The following BABAM2 variants were observed in gnomAD, a reference collection of about 807,000 sequenced individuals.
BABAM2 encodes BRISC and BRCA1-A complex member 2.
BABAM2 carries 31 observed loss-of-function variants against 54.7 expected under a neutral mutation model. That is an observed-to-expected ratio of 0.57 (90% CI 0.43 to 0.77). The LOEUF (loss-of-function observed/expected upper bound fraction) is 0.77, where lower values mean the gene tolerates loss of function less well. BABAM2 is among the 30% of genes least tolerant of loss of function. BABAM2 has a pLI of 0.00. For missense variants in BABAM2, 364 were observed against 455.8 expected (o/e 0.80, Z 1.83); for synonymous variants, 167 against 162.9 (o/e 1.03, Z -0.19).
At chr2:27,917,236 T>G (rs1667045500) in intron 2 of BABAM2, among the ~76,000 whole-genome samples, 1 of 152,132 alleles carries the variant, frequency 6.6e-6, no homozygotes, top group Admixed American at 6.5e-5. Flanking sequence ...CAGGATGGTC[T>G]TGATCTCTTG....
rs529409715 is a variant in BABAM2 at position 28,066,163 on chromosome 2, C to CA, written c.570+20374dup. ...GACAGAATGAGACTCCATCTCATCT[C>CA]AAAAAAAAAATAAATAAATAAAAAA... is the stretch of plus-strand genomic sequence containing the variant. On this transcript the variant is annotated intron_variant, in intron 6 of 11. Transcript: ENST00000379624. 1.7e-3 allele frequency among the ~76,000 whole-genome samples: 216 copies of CA among 127,562 alleles called. 1 individual carries two copies. The Middle Eastern group carries it at 0.025, about 15-fold the overall frequency. 83.7% of individuals were successfully genotyped at this position (127,562 alleles called of 152,430 possible).
intron 6 of BABAM2, among the ~76,000 whole-genome samples, chr2:28,113,184 T>G (rs1668293567): frequency 6.6e-6 from 1 of 152,252 alleles, no homozygotes; most frequent in Admixed American, 6.5e-5. Flanking sequence ...TTTCTTTTGC[T>G]GTGCAGAAGC....
chr2:28,284,100 C>T (rs1030817688), intron 10 of BABAM2, among the ~76,000 whole-genome samples: 1 of 152,186 alleles, frequency 6.6e-6, no homozygotes, highest in Non-Finnish European at 1.5e-5. Flanking sequence ...CTTATGTTTG[C>T]ACAGTTTATT....
Position 28,241,393 on chromosome 2 carries a change from C to G in BABAM2, c.851C>G (p.Thr284Arg). The G allele has an allele frequency of 6.2e-7, 1 of 1,613,640 alleles. No individual in the cohort carries two copies. Among genetic ancestry groups the G allele is most frequent in the Non-Finnish European group, 8.5e-7 (1 of 1,179,610 alleles). The change falls in exon 9 of 12, where the codon ACA (threonine) becomes AGA (arginine). Residue 284 changes from threonine to arginine, a missense_variant and splice_region_variant. Transcript: ENST00000379624. Reference protein sequence around the residue: ...YIAAFLSHFGTGVVEYDAEGF... With the variant: ...YIAAFLSHFGRGVVEYDAEGF... ...GCTGCTTTTCTCAGTCACTTTGGCACGTAAGTTCTGCCCTGTTTGAACGAT... is the reference window on the plus strand; with the variant it reads ...GCTGCTTTTCTCAGTCACTTTGGCAGGTAAGTTCTGCCCTGTTTGAACGAT...
chr2:28,132,943 G>C (rs1289774841), intron 7 of BABAM2, among the ~76,000 whole-genome samples: 3 of 152,132 alleles, frequency 2.0e-5, no homozygotes. Context: ...AGGTGAATAA[G>C]TAGTTCTCAC....
intron 10 of BABAM2, among the ~76,000 whole-genome samples, chr2:28,245,204 C>CAA (rs1385588550): frequency 6.6e-6 from 1 of 151,940 alleles, no homozygotes; most frequent in Non-Finnish European, 1.5e-5. Flanking sequence ...CACACACACA[C>CAA]AAAAAATTAT....
At chr2:27,994,366 G>A (rs1424894173) in intron 4 of BABAM2, among the ~76,000 whole-genome samples, 1 of 152,138 alleles carries the variant, frequency 6.6e-6, no homozygotes, top group Non-Finnish European at 1.5e-5. Context: ...TAAATCACGT[G>A]TATAGCATGG....
At chr2:27,988,181 C>CT in intron 4 of BABAM2, 94 bp downstream of exon 4, 1 of 1,187,232 alleles carries the variant, frequency 8.4e-7, no homozygotes, top group Non-Finnish European at 1.2e-6. Context: ...ATTTGTCACA[C>CT]ATCTGCATTT....
intron 6 of BABAM2, among the ~76,000 whole-genome samples, chr2:28,120,393 T>G (rs1387598323): frequency 2.0e-5 from 3 of 152,196 alleles, no homozygotes; most frequent in Non-Finnish European, 4.4e-5. Flanking sequence ...TACATTTCTT[T>G]GAGCACTGGT....
intron 4 of BABAM2, chr2:28,016,375 T>C: frequency 7.3e-7 from 1 of 1,366,738 alleles, no homozygotes; most frequent in Non-Finnish European, 1.0e-6. Flanking sequence ...TAGGCCTTGA[T>C]CGATTCAGAT....
intron 2 of BABAM2, among the ~76,000 whole-genome samples, chr2:27,904,780 C>G (rs567311756): frequency 5.3e-5 from 8 of 152,318 alleles, no homozygotes; most frequent in Non-Finnish European, 1.0e-4. Context: ...AAATTTAAAA[C>G]TAGACATTTT....
At chr2:28,092,569 GA>G (rs1375473402) in intron 6 of BABAM2, among the ~76,000 whole-genome samples, 1 of 152,102 alleles carries the variant, frequency 6.6e-6, no homozygotes, top group African/African-American at 2.4e-5. Flanking sequence ...AGAGATTATA[GA>G]AGTCTTAAGA....
chr2:27,995,296 C>T lies in BABAM2; in HGVS notation c.300+7209C>T, dbSNP rs544616604. ...GTCTTCTGCATGGCTCTGGCAGCAC[C>T]GTGGGAGCAAGGAGGAAAGTACACA... On this transcript the variant is annotated intron_variant, in intron 4 of 11. Transcript: ENST00000379624. This position sits in a 1 kb window ranked among gnomAD's most constrained non-coding sequence, Gnocchi z 4.1. Among the ~76,000 whole-genome samples the T allele has an allele frequency of 2.0e-4, 31 of 152,182 alleles. No individual in the cohort carries two copies. The highest frequency in any genetic ancestry group is 6.5e-4 in the African/African-American group (27 of 41,504).
chr2:28,087,548 C>T (rs1010585293), intron 6 of BABAM2, among the ~76,000 whole-genome samples: 9 of 152,114 alleles, frequency 5.9e-5, no homozygotes, highest in African/African-American at 2.2e-4. Context: ...GAGGGGTTCT[C>T]ACCGTTTTGC....
upstream of BABAM2, among the ~76,000 whole-genome samples, chr2:27,889,602 A>G (rs1406996395): frequency 6.6e-6 from 1 of 152,206 alleles, no homozygotes; most frequent in Non-Finnish European, 1.5e-5. Flanking sequence ...TTCATTTGGC[A>G]TATTTTCTAT....
chr2:27,984,942 A>G (rs1234250728), intron 3 of BABAM2, among the ~76,000 whole-genome samples: 1 of 151,918 alleles, frequency 6.6e-6, no homozygotes, highest in African/African-American at 2.4e-5. Context: ...AGAGCATACA[A>G]TGTTTGGTTT....
intron 6 of BABAM2, among the ~76,000 whole-genome samples, chr2:28,106,652 T>G (rs1274506514): frequency 6.6e-6 from 1 of 152,202 alleles, no homozygotes; most frequent in Non-Finnish European, 1.5e-5. Context: ...AGGATATCTG[T>G]TTGACTCATT....
chr2:28,089,618 G>C lies in BABAM2; in HGVS notation c.571-39653G>C, dbSNP rs565047190. ...TTATTATCTACATCTTACAGATGAG[G>C]AAACACTTTGTGCACTTTAAGTAAC... On this transcript the variant is annotated intron_variant, in intron 6 of 11. Transcript: ENST00000379624. 3.5e-4 allele frequency among the ~76,000 whole-genome samples: 53 copies of C among 152,304 alleles called. No individual in the cohort carries two copies. The South Asian group carries it at 0.01, about 30-fold the overall frequency.
chr2:28,221,800 T>A (rs752173770), intron 7 of BABAM2, among the ~76,000 whole-genome samples: 9 of 152,208 alleles, frequency 5.9e-5, no homozygotes, highest in Non-Finnish European at 1.0e-4. Flanking sequence ...TCACTCAGAA[T>A]ATGCCCAATC....
Sources: allele counts gnomAD v4.1 joint callset (sites outside exome capture counted in the v4.1 genomes callset), GRCh38; gene constraint gnomAD v4.1.1; non-coding constraint Gnocchi (gnomAD v3.1); transcripts MANE v1.5; gene names NCBI Gene and HGNC (gene_info 2026-07-23, HGNC 2026-07-21).